NFIB: variants seen among roughly 807,000 people sequenced by gnomAD.
NFIB encodes nuclear factor 1 B-type.
NFIB carries 11 observed loss-of-function variants against 61.5 expected under a neutral mutation model. The ratio of observed to expected loss-of-function variants is 0.18; its 90% CI spans 0.11 to 0.30. NFIB has a LOEUF of 0.30. Among genes scored for constraint, NFIB ranks in the 10% least tolerant of loss-of-function variants. NFIB has a pLI of 1.00. For missense variants in NFIB, 471 were observed against 608.9 expected (o/e 0.77, Z 2.38); for synonymous variants, 260 against 216.5 (o/e 1.20, Z -1.76).
intron 10 of NFIB, among the ~76,000 whole-genome samples, chr9:14,099,820 C>T (rs1587158682): frequency 1.3e-5 from 2 of 152,208 alleles, no homozygotes; most frequent in Admixed American, 6.5e-5. Flanking sequence ...TGCCTGTAAT[C>T]TCAGTACTTT....
intron 3 of NFIB, among the ~76,000 whole-genome samples, chr9:14,167,813 T>C (rs573647510): frequency 5.9e-5 from 9 of 152,204 alleles, no homozygotes; most frequent in Non-Finnish European, 1.3e-4. Context: ...TCCTCATTCA[T>C]GGTCAAGTGA....
the NFIB span, among the ~76,000 whole-genome samples, chr9:14,493,930 G>A: frequency 3.3e-5 from 5 of 152,152 alleles, no homozygotes; most frequent in Admixed American, 6.5e-5. Flanking sequence ...CTTTTCCTTT[G>A]AAGTAGATCA....
At chr9:14,314,535 C>T (rs935903340), upstream of NFIB, 1 of 152,140 alleles carries the variant, frequency 6.6e-6, no homozygotes, top group African/African-American at 2.4e-5. Context: ...CGTTGCAAAA[C>T]TTGGAAGTTG....
the NFIB span, among the ~76,000 whole-genome samples, chr9:14,458,083 A>C: frequency 6.6e-6 from 1 of 152,212 alleles, no homozygotes; most frequent in Non-Finnish European, 1.5e-5. Flanking sequence ...ATTTTAGACC[A>C]ATATCCCTGA....
intron 1 of NFIB, among the ~76,000 whole-genome samples, chr9:14,329,519 TTTTTTTC>T (rs987374121): frequency 1.3e-5 from 2 of 152,006 alleles, no homozygotes; most frequent in Non-Finnish European, 2.9e-5. Flanking sequence ...TCTCTTTTTC[TTTTTTTC>T]TTTTTTAAGA....
the NFIB span, among the ~76,000 whole-genome samples, chr9:14,496,731 CT>C: frequency 6.6e-6 from 1 of 152,226 alleles, no homozygotes; most frequent in Non-Finnish European, 1.5e-5. Flanking sequence ...AACAGAAACA[CT>C]TAGGACTTCC....
chr9:14,302,635 G>A (rs1400805045), intron 2 of NFIB, among the ~76,000 whole-genome samples: 1 of 152,056 alleles, frequency 6.6e-6, no homozygotes, highest in South Asian at 2.1e-4. Flanking sequence ...TTACATACAC[G>A]ACAACAGTTG....
the NFIB span, among the ~76,000 whole-genome samples, chr9:14,416,988 G>C: frequency 6.7e-6 from 1 of 149,986 alleles, no homozygotes; most frequent in Non-Finnish European, 1.5e-5. Context: ...CGCCTCTCGG[G>C]TTCAAGCGAT....
chr9:14,252,425 G>C (rs953683618), intron 2 of NFIB, among the ~76,000 whole-genome samples: 2 of 151,912 alleles, frequency 1.3e-5, no homozygotes, highest in African/African-American at 4.8e-5. Context: ...TATATTTATA[G>C]TTTTTCATCC....
the NFIB span, among the ~76,000 whole-genome samples, chr9:14,425,669 G>T: frequency 7.5e-6 from 1 of 132,700 alleles, no homozygotes; most frequent in African/African-American, 2.9e-5. Context: ...ACTTAATCTC[G>T]AGGTATTTGT....
In NFIB at chr9:14,258,699, C is replaced by G. The variant is rs75551414; in HGVS notation, c.562+48290G>C. Reference sequence around the variant, plus strand: ...CAACTGTTTACTTTTCCATTATACCCCATTTCCAAAATACGTGCTTTTAAA... The same window carrying G: ...CAACTGTTTACTTTTCCATTATACCGCATTTCCAAAATACGTGCTTTTAAA... On this transcript the variant is annotated intron_variant, in intron 2 of 10. Transcript: ENST00000380953. Among the ~76,000 whole-genome samples the G allele has an allele frequency of 2.3e-3, 354 of 152,314 alleles. 1 individual carries two copies. Among genetic ancestry groups the G allele is most frequent in the African/African-American group, 8.2e-3 (342 of 41,566 alleles).
chr9:14,234,793 AT>A (rs200830057), intron 2 of NFIB, among the ~76,000 whole-genome samples: 8 of 122,286 alleles, frequency 6.5e-5, no homozygotes, highest in South Asian at 2.9e-4. Flanking sequence ...GTTCGTTGAA[AT>A]TTTTTTTTTG....
At chr9:14,216,935 A>G (rs2050993684) in intron 2 of NFIB, among the ~76,000 whole-genome samples, 1 of 152,240 alleles carries the variant, frequency 6.6e-6, no homozygotes, top group Non-Finnish European at 1.5e-5. Context: ...TAAAAGCTAG[A>G]ACAGCTATCC....
intron 1 of NFIB, among the ~76,000 whole-genome samples, chr9:14,358,582 T>G (rs184404254): frequency 4.9e-4 from 75 of 152,322 alleles, no homozygotes; most frequent in African/African-American, 1.8e-3. Flanking sequence ...CTGAGGTGGA[T>G]TCGTTGTTTT....
the NFIB span, among the ~76,000 whole-genome samples, chr9:14,495,463 T>TTTTTTTTTTTTTG: frequency 6.7e-6 from 1 of 149,884 alleles, no homozygotes; most frequent in South Asian, 2.2e-4. Context: ...TTTTTTTTTT[T>TTTTTTTTTTTTTG]TGTCTGAGAG....
chr9:14,170,584 T>G (rs1208288525), intron 3 of NFIB, among the ~76,000 whole-genome samples: 2 of 152,028 alleles, frequency 1.3e-5, no homozygotes, highest in Non-Finnish European at 2.9e-5. Flanking sequence ...CAGGCTGCAG[T>G]GAGCCATGAC....
At chr9:14,427,937 G>GTGTTTTTTTTTTTTTTTTTT in the NFIB span, among the ~76,000 whole-genome samples, 2 of 43,384 alleles carry the variant, frequency 4.6e-5, no homozygotes, top group African/African-American at 1.6e-4. Flanking sequence ...TAATTCAGTT[G>GTGTTTTTTTTTTTTTTTTTT]TTTTTTTTTT....
chr9:14,338,505 T>C (rs1304095185), intron 1 of NFIB, among the ~76,000 whole-genome samples: 3 of 152,236 alleles, frequency 2.0e-5, no homozygotes, highest in African/African-American at 7.2e-5. Flanking sequence ...CTATCAGCTG[T>C]GTGTTCATAG....
intron 2 of NFIB, among the ~76,000 whole-genome samples, chr9:14,250,604 T>A (rs3761667): frequency 0.54 from 82,871 of 152,074 alleles, 23,583 homozygotes; most frequent in Non-Finnish European, 0.59. Flanking sequence ...TTCCCTTGCT[T>A]ATGTCATAGT....
Sources: allele counts gnomAD v4.1 joint callset (sites outside exome capture counted in the v4.1 genomes callset), GRCh38; gene constraint gnomAD v4.1.1; transcripts MANE v1.5; gene names NCBI Gene and HGNC (gene_info 2026-07-23, HGNC 2026-07-21).